Variants in SEC22C observed in about 807,000 individuals in gnomAD.
SEC22C encodes the protein vesicle-trafficking protein SEC22c.
Under a neutral mutation model 34.7 loss-of-function variants are expected in SEC22C, and 29 were observed. That is an observed-to-expected ratio of 0.84 (90% CI 0.62 to 1.14). SEC22C has a LOEUF of 1.14. Among genes scored for constraint, SEC22C ranks in the 50% most tolerant of loss-of-function variants. The probability of loss-of-function intolerance (pLI) is 0.00; values close to 1 mark genes in which losing one functional copy is unlikely to be tolerated. For synonymous variants in SEC22C, 117 were observed against 132.8 expected (o/e 0.88, Z 0.82); for missense variants, 337 against 369.0 (o/e 0.91, Z 0.71).
intron 5 of SEC22C, among the ~76,000 whole-genome samples, chr3:42,556,702 T>A (rs1702545321): frequency 6.6e-6 from 1 of 152,042 alleles, no homozygotes; most frequent in South Asian, 2.1e-4. Flanking sequence ...CTAATAATGG[T>A]TTTATACCTC....
chr3:42,583,747 A>AAAGGCAAAT (rs1291980248), upstream of SEC22C, among the ~76,000 whole-genome samples: 1 of 152,152 alleles, frequency 6.6e-6, no homozygotes, highest in Admixed American at 6.5e-5. Flanking sequence ...AAGGCAGAGG[A>AAAGGCAAAT]AAGGCAAATT....
At chr3:42,559,814 T>C (rs1702760141) in intron 4 of SEC22C, among the ~76,000 whole-genome samples, 1 of 152,160 alleles carries the variant, frequency 6.6e-6, no homozygotes, top group Admixed American at 6.6e-5. Context: ...AATCATACTT[T>C]GTTATGTGAT....
rs1577275788 is a variant in SEC22C, at chr3:42,548,536, C to T, written c.*4712G>A. ...CACAGGCTCCCTGCTGATGAGATTTCCCCAGCAGCAGAAGTTTGACATCAC... is the reference window on the plus strand; with the variant it reads ...CACAGGCTCCCTGCTGATGAGATTTTCCCAGCAGCAGAAGTTTGACATCAC... On this transcript the variant is annotated 3_prime_UTR_variant, in exon 7 of 7. Coordinates refer to ENST00000264454, the MANE Select transcript of SEC22C (RefSeq NM_032970.4). 8 of 1,531,904 alleles carry T rather than the reference C, an allele frequency of 5.2e-6. No individual in the cohort carries two copies. In the East Asian group the frequency reaches 1.6e-4, roughly 30 times the overall value. The allele number at this position is 1,531,904 out of a possible 1,614,324, so 94.9% of individuals were successfully genotyped here.
intron 5 of SEC22C, among the ~76,000 whole-genome samples, chr3:42,557,188 C>T (rs1275455732): frequency 1.3e-5 from 2 of 152,186 alleles, no homozygotes; most frequent in Non-Finnish European, 2.9e-5. Flanking sequence ...CTGCATTATA[C>T]AAATCAGATT....
At chr3:42,568,322 A>T (rs114376393) in intron 2 of SEC22C, among the ~76,000 whole-genome samples, 1,783 of 152,022 alleles carry the variant, frequency 0.012, 36 homozygotes, top group African/African-American at 0.041. Flanking sequence ...CCCAATGCTC[A>T]TGGGCACTCC....
At chr3:42,594,692 T>A (rs950125899) in intron 1 of SEC22C, 8 of 481,036 alleles carry the variant, frequency 1.7e-5, no homozygotes, top group Non-Finnish European at 2.9e-5. Flanking sequence ...AGCTGTATTC[T>A]CATGTAAATA....
At chr3:42,584,066 T>G (rs1042983892), upstream of SEC22C, among the ~76,000 whole-genome samples, 1 of 152,206 alleles carries the variant, frequency 6.6e-6, no homozygotes, top group African/African-American at 2.4e-5. Flanking sequence ...ATTGTGGGAC[T>G]TCTCAGCCTC....
rs755162838 is a variant in SEC22C at position 42,561,104 on chromosome 3, A to G, written c.526+13T>C. 1.1e-5 allele frequency: 17 copies of G among 1,607,764 alleles called. No individual in the cohort carries two copies. The African/African-American group carries it at 1.7e-4, about 16-fold the overall frequency. On this transcript the variant is annotated intron_variant, in intron 4 of 6. Transcript: ENST00000264454. ...ATCACTTCATCAACATCAGGGAACA[A>G]CAAGCCACTTACCAGGCTCCAAGTG... is the stretch of plus-strand genomic sequence containing the variant.
At chr3:42,585,037 G>A (rs1577365770), upstream of SEC22C, among the ~76,000 whole-genome samples, 8 of 152,310 alleles carry the variant, frequency 5.3e-5, 1 homozygote, top group Admixed American at 5.2e-4. Context: ...GCTGAGGCAG[G>A]AGAATCACTT....
chr3:42,591,602 G>GT (rs779293538), intron 1 of SEC22C: 3 of 1,610,108 alleles, frequency 1.9e-6, no homozygotes, highest in African/African-American at 2.7e-5. Context: ...AGTGCGTGCA[G>GT]TAAGTACCCC....
Position 42,568,930 on chromosome 3 carries a change from A to T in SEC22C, c.117T>A (p.Ser39Arg). The stretch of plus-strand genomic sequence containing the variant: ...GATACTGGGCCAGTCGCAAGGCTAA[A>T]CTCTTGAGCCGTCTCCTCCATTCCA... The part of the protein sequence containing the change: ...DFLEWRRRLK[S>R]LALRLAQYPG... Residue 39 changes from serine (S) to arginine (R), a missense_variant, in exon 2 of 7, where the codon AGT becomes AGA. Transcript: ENST00000264454. The T allele has an allele frequency of 6.2e-7, 1 of 1,614,184 alleles. No homozygotes were observed. Among genetic ancestry groups the T allele is most frequent in the Non-Finnish European group, 8.5e-7 (1 of 1,180,030 alleles).
At chr3:42,576,818 G>T (rs371764801) in intron 1 of SEC22C, among the ~76,000 whole-genome samples, 2 of 151,210 alleles carry the variant, frequency 1.3e-5, no homozygotes, top group East Asian at 3.9e-4. Flanking sequence ...AACTAAAATA[G>T]CTAAAGCAAT....
At chr3:42,600,158 A>C (rs942604685) in intron 1 of SEC22C, among the ~76,000 whole-genome samples, 1 of 152,238 alleles carries the variant, frequency 6.6e-6, no homozygotes, top group African/African-American at 2.4e-5. Flanking sequence ...CAAAAGATGC[A>C]GAATGGTCAG....
chr3:42,550,638 T>A lies in SEC22C; in HGVS notation c.*2610A>T, dbSNP rs1702206062. On this transcript the variant is annotated 3_prime_UTR_variant, in exon 7 of 7. Transcript: ENST00000264454. ...AAAAGTCAATCTCACCCCATGTAGA[T>A]GTTAACTGATATCCACACATTCGAC... The A allele has an allele frequency of 1.0e-6, 1 of 985,242 alleles. No homozygotes were observed. The highest frequency in any genetic ancestry group is 4.7e-5 in the South Asian group (1 of 21,272). The allele number at this position is 985,242 out of a possible 1,614,324, so 61.0% of individuals were successfully genotyped here.
At chr3:42,584,672 G>C (rs1274341530), upstream of SEC22C, among the ~76,000 whole-genome samples, 2 of 152,202 alleles carry the variant, frequency 1.3e-5, no homozygotes, top group Non-Finnish European at 2.9e-5. Context: ...GTCTAAGATA[G>C]CCTCCAGGGT....
At chr3:42,557,256 C>G (rs1559512483) in intron 5 of SEC22C, among the ~76,000 whole-genome samples, 1 of 152,102 alleles carries the variant, frequency 6.6e-6, no homozygotes, top group Non-Finnish European at 1.5e-5. Context: ...AGAGAATGAA[C>G]CTTTTGTCCT....
At chr3:42,568,543 G>A (rs1043933553) in intron 2 of SEC22C, among the ~76,000 whole-genome samples, 1 of 151,986 alleles carries the variant, frequency 6.6e-6, no homozygotes, top group Non-Finnish European at 1.5e-5. Flanking sequence ...CTACTCAGGA[G>A]GCTGAGGCAC....
In SEC22C at chr3:42,552,753, TTACA is replaced by T. The variant is rs1445857460; in HGVS notation, c.*491_*494del. The stretch of plus-strand genomic sequence containing the variant: ...AAAATGTAAACAAAATTTATCTAGC[TTACA>T]TTTATGAACCATATTTTTAGGTTTT... On this transcript the variant is annotated 3_prime_UTR_variant, in exon 7 of 7. Coordinates refer to ENST00000264454, the MANE Select transcript of SEC22C (RefSeq NM_032970.4). 1.0e-6 allele frequency: 1 copy of T among 982,484 alleles called. No homozygotes were observed. The highest frequency in any genetic ancestry group is 1.2e-6 in the Non-Finnish European group (1 of 827,398). 60.9% of individuals were successfully genotyped at this position (982,484 alleles called of 1,614,324 possible).
At chr3:42,561,438 C>T (rs1702902997) in intron 3 of SEC22C, 142 bp from the exon 4 acceptor site, 3 of 764,734 alleles carry the variant, frequency 3.9e-6, no homozygotes, top group South Asian at 1.8e-5. Flanking sequence ...TGCAGTGGTG[C>T]GATCACAACT....
Sources: allele counts gnomAD v4.1 joint callset (sites outside exome capture counted in the v4.1 genomes callset), GRCh38; gene constraint gnomAD v4.1.1; transcripts MANE v1.5; gene names NCBI Gene and HGNC (gene_info 2026-07-23, HGNC 2026-07-21).